The following NPHP1 variants were observed in gnomAD, a reference collection of about 807,000 sequenced individuals.
NPHP1 encodes the protein nephrocystin-1.
In NPHP1, 70 loss-of-function variants were observed where a neutral mutation model predicts 90.4. The observed-to-expected ratio is 0.77, with a 90% CI of 0.64 to 0.95. The LOEUF (loss-of-function observed/expected upper bound fraction) is 0.95. NPHP1 is among the 40% of genes least tolerant of loss of function. The pLI, the probability that NPHP1 is intolerant of heterozygous loss-of-function variation, is 0.00. For missense variants in NPHP1, 764 were observed against 795.9 expected, an observed-to-expected ratio of 0.96 and a Z score of 0.48; for synonymous variants, 256 against 271.7, an observed-to-expected ratio of 0.94 and a Z score of 0.57.
Position 110,184,754 on chromosome 2 carries a change from A to T in NPHP1, c.144-5070T>A, listed in dbSNP as rs541911464. Reference sequence around the variant, plus strand: ...AGAAAGACCCTCCTACCTATCCATAAACCCCCAGAAGGAAGAGACACTAGA... The same window carrying T: ...AGAAAGACCCTCCTACCTATCCATATACCCCCAGAAGGAAGAGACACTAGA... On this transcript the variant is annotated intron_variant, in intron 2 of 19. Coordinates refer to ENST00000445609, the MANE Select transcript of NPHP1 (RefSeq NM_001128178.3). The T allele has an allele frequency of 2.0e-5, 14 of 714,356 alleles. No homozygotes were observed. The African/African-American group carries it at 2.4e-4, about 12-fold the overall frequency. The allele number at this position is 714,356 out of a possible 1,614,324, so 44.3% of individuals were successfully genotyped here. A position where few individuals can be genotyped will look rare whatever the true frequency, so the allele number is the denominator to read the frequency against.
chr2:110,143,963 A>G (rs1312077216), intron 15 of NPHP1: 1 of 361,588 alleles, frequency 2.8e-6, no homozygotes, highest in African/African-American at 2.1e-5. Flanking sequence ...GGGTCAGCAG[A>G]GGTGGCATGT....
rs763887632 is a variant in NPHP1 at position 110,161,698 on chromosome 2, C to T, written c.860-1G>A. On this transcript the variant is annotated splice_acceptor_variant, in intron 9 of 19. Transcript: ENST00000445609. LOFTEE classifies it high-confidence loss of function. ...AAGTAATTTGCTCGAAATTGATTCCCTGAAAAAATCATTTTTTCTTCATTT... is the reference window on the plus strand; with the variant it reads ...AAGTAATTTGCTCGAAATTGATTCCTTGAAAAAATCATTTTTTCTTCATTT... The T allele has an allele frequency of 6.2e-7, 1 of 1,602,460 alleles. No individual in the cohort carries two copies. Among genetic ancestry groups the T allele is most frequent in the Admixed American group, 1.7e-5 (1 of 59,956 alleles).
At chr2:110,127,489 A>G (rs1679450586) in intron 18 of NPHP1, 1 of 152,112 alleles carries the variant, frequency 6.6e-6, no homozygotes, top group Admixed American at 6.5e-5. Context: ...ATAATCCAAG[A>G]TCCAGAGATA....
In NPHP1 at chr2:110,124,051, A is replaced by G. The variant is rs1679177926; in HGVS notation, c.1774T>C (p.Phe592Leu). Residue 592 changes from phenylalanine to leucine, a missense_variant, in exon 20 of 20, where the codon TTC (phenylalanine) becomes CTC (leucine). Coordinates refer to ENST00000445609, the MANE Select transcript of NPHP1 (RefSeq NM_001128178.3). ...ACCAGGAGAAACGTGGACTTCAGGA[A>G]CTCTTTGTCTCTCTGGGAAAACACC... is the stretch of plus-strand genomic sequence containing the variant. ...LKRSEKRDKE[F>L]LKSTFLLVYH... 2 of 1,613,888 alleles carry G rather than the reference A, an allele frequency of 1.2e-6. No individual in the cohort carries two copies. Among genetic ancestry groups the G allele is most frequent in the South Asian group, 2.2e-5 (2 of 91,064 alleles).
rs1680880302 is a variant in NPHP1 at position 110,144,575 on chromosome 2, A to T, written c.1353-6T>A. 1 of 1,524,904 alleles carries T rather than the reference A, an allele frequency of 6.6e-7. No homozygotes were observed. 94.5% of individuals were successfully genotyped at this position (1,524,904 alleles called of 1,614,324 possible). On this transcript the variant is annotated splice_region_variant and splice_polypyrimidine_tract_variant and intron_variant, in intron 14 of 19. Transcript: ENST00000445609. ...TCAAGAAAAGCTCATAAGTTCTATA[A>T]AAGAATAACATACAATGACAGATAT...
At chr2:110,204,437 A>G (rs1306057134) in intron 1 of NPHP1, among the ~76,000 whole-genome samples, 1 of 152,064 alleles carries the variant, frequency 6.6e-6, no homozygotes, top group Non-Finnish European at 1.5e-5. Flanking sequence ...ATTTCTTGAC[A>G]CCTATTTCGC....
chr2:110,175,028 T>C (rs1683411945), intron 4 of NPHP1, among the ~76,000 whole-genome samples: 1 of 152,066 alleles, frequency 6.6e-6, no homozygotes, highest in Admixed American at 6.6e-5. Context: ...AAAGTGTCTT[T>C]AAACAGTAAC....
At chr2:110,172,116 G>T (rs1432193622) in intron 4 of NPHP1, among the ~76,000 whole-genome samples, 1 of 152,136 alleles carries the variant, frequency 6.6e-6, no homozygotes, top group Non-Finnish European at 1.5e-5. Flanking sequence ...TGTTCATCTT[G>T]TGTCAATTTT....
intron 2 of NPHP1, among the ~76,000 whole-genome samples, chr2:110,180,497 T>C (rs1327985460): frequency 1.7e-5 from 2 of 118,898 alleles, no homozygotes; most frequent in Non-Finnish European, 3.3e-5. Context: ...TGAAATGAAA[T>C]AAGCAGTGAA....
intron 18 of NPHP1, chr2:110,128,618 T>TG: frequency 6.4e-6 from 1 of 156,202 alleles, no homozygotes; most frequent in Non-Finnish European, 1.4e-5. Flanking sequence ...TTCAAGGTCC[T>TG]GGGTTATACC....
At chr2:110,176,885 C>T (rs934007273) in intron 4 of NPHP1, among the ~76,000 whole-genome samples, 1 of 152,176 alleles carries the variant, frequency 6.6e-6, no homozygotes, top group Admixed American at 6.5e-5. Context: ...TTCTGCCAGG[C>T]CTTGCAGGCA....
intron 6 of NPHP1, 84 bp downstream of exon 6, chr2:110,168,368 C>T (rs1682857695): frequency 1.1e-6 from 1 of 882,114 alleles, no homozygotes; most frequent in Non-Finnish European, 1.9e-6. Context: ...CACTAGTCAA[C>T]TGACAAAAGA....
chr2:110,125,723 C>T (rs1169765229), intron 18 of NPHP1, 42 bp from the exon 19 acceptor site: 2 of 1,516,458 alleles, frequency 1.3e-6, no homozygotes, highest in Non-Finnish European at 1.8e-6. Context: ...CAAGTAGTAA[C>T]AAGTCCTTGC....
chr2:110,125,367 G>T, intron 19 of NPHP1: 1 of 1,499,328 alleles, frequency 6.7e-7, no homozygotes, highest in Non-Finnish European at 8.8e-7. Flanking sequence ...ATACACAACT[G>T]AGAGACTTTG....
chr2:110,125,929 G>C, intron 18 of NPHP1: 1 of 532,502 alleles, frequency 1.9e-6, no homozygotes, highest in East Asian at 3.2e-5. Context: ...ACTAACTTAA[G>C]AATAGAATCA....
chr2:110,196,821 G>T (rs1559107573), intron 2 of NPHP1, among the ~76,000 whole-genome samples: 1 of 152,160 alleles, frequency 6.6e-6, no homozygotes, highest in East Asian at 1.9e-4. Flanking sequence ...ATACTATGCA[G>T]CCATAAAAAA....
chr2:110,166,398 C>T (rs538286045), intron 6 of NPHP1, among the ~76,000 whole-genome samples: 2 of 151,854 alleles, frequency 1.3e-5, no homozygotes, highest in Admixed American at 6.5e-5. Flanking sequence ...GACTACATTT[C>T]CCAAGACTTC....
chr2:110,129,268 C>T lies in NPHP1; in HGVS notation c.1643-9G>A, dbSNP rs1395643179. On this transcript the variant is annotated splice_polypyrimidine_tract_variant and intron_variant, in intron 17 of 19. Coordinates refer to ENST00000445609, the MANE Select transcript of NPHP1 (RefSeq NM_001128178.3). ...GGGATGGCTAATTAAATCTGAAATG[C>T]AAAACAACAGAAAGAATTTTATGCA... is the stretch of plus-strand genomic sequence containing the variant. The T allele has an allele frequency of 6.2e-7, 1 of 1,607,884 alleles. No individual in the cohort carries two copies. The highest frequency in any genetic ancestry group is 2.2e-5 in the East Asian group (1 of 44,874).
intron 18 of NPHP1, chr2:110,128,295 G>A (rs1679515295): frequency 6.6e-6 from 1 of 152,066 alleles, no homozygotes. Flanking sequence ...ACTTGGCAGA[G>A]TTTGCCTAAA....
Sources: allele counts gnomAD v4.1 joint callset (sites outside exome capture counted in the v4.1 genomes callset), GRCh38; gene constraint gnomAD v4.1.1; transcripts MANE v1.5; gene names NCBI Gene and HGNC (gene_info 2026-07-23, HGNC 2026-07-21).